Variants in SHISA6 observed in about 807,000 individuals in gnomAD.
SHISA6 encodes protein shisa-6.
Under a neutral mutation model 47.9 loss-of-function variants are expected in SHISA6, and 22 were observed. The ratio of observed to expected loss-of-function variants is 0.46; its 90% CI spans 0.33 to 0.66. The LOEUF is 0.66. SHISA6 is among the 30% of genes least tolerant of loss of function. The pLI is 0.02. For synonymous variants in SHISA6, 388 were observed against 337.8 expected, an observed-to-expected ratio of 1.15 and a Z score of -1.63; for missense variants, 680 against 764.6, an observed-to-expected ratio of 0.89 and a Z score of 1.30.
At chr17:11,308,775 A>G (rs1404785768) in intron 2 of SHISA6, among the ~76,000 whole-genome samples, 1 of 152,190 alleles carries the variant, frequency 6.6e-6, no homozygotes, top group African/African-American at 2.4e-5. Context: ...GGTGGCTGCG[A>G]TGCAGGCAAC....
chr17:11,278,404 C>T (rs947384466), intron 2 of SHISA6, among the ~76,000 whole-genome samples: 2 of 152,348 alleles, frequency 1.3e-5, no homozygotes, highest in Non-Finnish European at 1.5e-5. Flanking sequence ...CCTGCACCTG[C>T]ACTCTCAGGA....
chr17:11,249,206 A>G (rs900189951), intron 1 of SHISA6, among the ~76,000 whole-genome samples: 8 of 152,130 alleles, frequency 5.3e-5, no homozygotes, highest in South Asian at 4.2e-4. Context: ...ATGAGTGGAA[A>G]TGCTGAATGC....
At chr17:11,519,425 T>C (rs1159713000) in intron 3 of SHISA6, among the ~76,000 whole-genome samples, 1 of 152,164 alleles carries the variant, frequency 6.6e-6, no homozygotes, top group Non-Finnish European at 1.5e-5. Flanking sequence ...TTATGTGATG[T>C]ATCTAGAGTA....
At chr17:11,391,604 T>C (rs1295615100) in intron 3 of SHISA6, among the ~76,000 whole-genome samples, 1 of 152,068 alleles carries the variant, frequency 6.6e-6, no homozygotes, top group Non-Finnish European at 1.5e-5. Context: ...TTTGTGTGAA[T>C]TGTGGTGCAG....
intron 3 of SHISA6, among the ~76,000 whole-genome samples, chr17:11,441,723 T>C (rs1451103622): frequency 3.3e-5 from 5 of 152,332 alleles, no homozygotes; most frequent in Admixed American, 1.3e-4. Flanking sequence ...TTAGACCTTT[T>C]TGCCTGCATT....
At chr17:11,348,063 C>T (rs1354986595) in intron 2 of SHISA6, among the ~76,000 whole-genome samples, 4 of 152,154 alleles carry the variant, frequency 2.6e-5, no homozygotes, top group African/African-American at 9.7e-5. Context: ...AATATAGTGG[C>T]TTGGCAAAGC....
intron 2 of SHISA6, among the ~76,000 whole-genome samples, chr17:11,298,393 A>T (rs1444867919): frequency 6.6e-6 from 1 of 152,214 alleles, no homozygotes; most frequent in Non-Finnish European, 1.5e-5. Context: ...TCACTCATAC[A>T]GTTCTGGGAA....
chr17:11,441,577 A>T (rs1056169424), intron 3 of SHISA6, among the ~76,000 whole-genome samples: 1 of 152,208 alleles, frequency 6.6e-6, no homozygotes, highest in Non-Finnish European at 1.5e-5. Flanking sequence ...GAAAAGAAAG[A>T]CTAAAATTAC....
At chr17:11,448,653 C>G (rs1369722832) in intron 3 of SHISA6, among the ~76,000 whole-genome samples, 1 of 152,054 alleles carries the variant, frequency 6.6e-6, no homozygotes, top group Non-Finnish European at 1.5e-5. Flanking sequence ...ATAGTGAAAC[C>G]TGATCTCTAC....
At chr17:11,386,761 C>A (rs1913208987) in intron 3 of SHISA6, among the ~76,000 whole-genome samples, 1 of 152,170 alleles carries the variant, frequency 6.6e-6, no homozygotes, top group Non-Finnish European at 1.5e-5. Context: ...GACAGATAGG[C>A]CACACGGCCA....
intron 2 of SHISA6, among the ~76,000 whole-genome samples, chr17:11,285,715 C>T (rs761347460): frequency 1.3e-5 from 2 of 152,122 alleles, no homozygotes; most frequent in Non-Finnish European, 2.9e-5. Context: ...GGTCAAGACA[C>T]AGATTAGCGT....
chr17:11,254,621 C>T (rs1907942262), intron 1 of SHISA6, among the ~76,000 whole-genome samples: 1 of 152,190 alleles, frequency 6.6e-6, no homozygotes, highest in African/African-American at 2.4e-5. Context: ...GCAGGGCTGC[C>T]CCTACCTCTG....
intron 2 of SHISA6, among the ~76,000 whole-genome samples, chr17:11,366,353 A>G (rs991090033): frequency 6.6e-6 from 1 of 152,142 alleles, no homozygotes; most frequent in Admixed American, 6.5e-5. Flanking sequence ...TTGCCCAGGC[A>G]GGTCTCAAGT....
chr17:11,262,847 C>T (rs1908283374), intron 1 of SHISA6, among the ~76,000 whole-genome samples: 1 of 152,200 alleles, frequency 6.6e-6, no homozygotes, highest in South Asian at 2.1e-4. Flanking sequence ...TCTCTATGTC[C>T]TGTCTTTGCA....
intron 1 of SHISA6, among the ~76,000 whole-genome samples, chr17:11,253,722 T>C (rs1348379484): frequency 1.3e-5 from 2 of 152,188 alleles, no homozygotes; most frequent in African/African-American, 2.4e-5. Context: ...ATTTTCCCTC[T>C]TCTTGTTTCT....
chr17:11,561,702 C>G lies in SHISA6; in HGVS notation c.*3398C>G, dbSNP rs2072045015. ...ATTCCTTCCTCTCATCTCCCTCTTC[C>G]TCCATCTACCTTCCTCCATTCACCT... On this transcript the variant is annotated 3_prime_UTR_variant, in exon 6 of 6. Coordinates refer to ENST00000441885, the MANE Select transcript of SHISA6 (RefSeq NM_207386.4). 6.6e-6 allele frequency: 1 copy of G among 152,268 alleles called. No homozygotes were observed. The highest frequency in any genetic ancestry group is 1.5e-5 in the Non-Finnish European group (1 of 68,084). 9.4% of individuals were successfully genotyped at this position (152,268 alleles called of 1,614,324 possible).
chr17:11,517,231 C>A (rs2071593150), intron 3 of SHISA6, among the ~76,000 whole-genome samples: 1 of 152,106 alleles, frequency 6.6e-6, no homozygotes, highest in Non-Finnish European at 1.5e-5. Flanking sequence ...AGGAGGAAAG[C>A]AGGCTGGAGG....
intron 3 of SHISA6, among the ~76,000 whole-genome samples, chr17:11,450,995 T>TAA (rs757372845): frequency 0.014 from 1,770 of 123,050 alleles, 35 homozygotes; most frequent in African/African-American, 0.046. Context: ...AATAGAAAAT[T>TAA]AAAAAAAAAA....
chr17:11,493,576 C>CGT (rs1555539630), intron 3 of SHISA6, among the ~76,000 whole-genome samples: 5 of 151,984 alleles, frequency 3.3e-5, no homozygotes, highest in Admixed American at 1.3e-4. Flanking sequence ...TACACGCGTG[C>CGT]GCGCGCACAC....
Sources: gnomAD v4.1 joint callset for allele counts (sites outside exome capture counted in the v4.1 genomes callset) on GRCh38, gnomAD v4.1.1 for gene constraint, MANE v1.5 for transcripts, NCBI Gene and HGNC (gene_info 2026-07-23, HGNC 2026-07-21) for gene names.